The following MPHOSPH8 variants were observed in gnomAD, a reference collection of about 807,000 sequenced individuals.
The protein encoded by MPHOSPH8 is M-phase phosphoprotein, mpp.
A neutral mutation model predicts 87.3 loss-of-function variants in MPHOSPH8; 45 were observed. The ratio of observed to expected loss-of-function variants is 0.52; its 90% CI spans 0.41 to 0.66. The LOEUF (loss-of-function observed/expected upper bound fraction) is 0.66, where lower values mean the gene tolerates loss of function less well. Ranked by LOEUF, MPHOSPH8 falls within the 30% of genes least tolerant of loss-of-function variation. MPHOSPH8 has a pLI of 0.00. For synonymous variants in MPHOSPH8, 366 were observed against 376.9 expected (o/e 0.97, Z 0.33); for missense variants, 883 against 1,020.2 (o/e 0.87, Z 1.83).
chr13:19,652,836 C>T (rs1284110888), intron 5 of MPHOSPH8, among the ~76,000 whole-genome samples: 4 of 152,070 alleles, frequency 2.6e-5, no homozygotes, highest in South Asian at 4.2e-4. Flanking sequence ...CTGGGAGGAG[C>T]GCACCGTAGC....
intron 5 of MPHOSPH8, among the ~76,000 whole-genome samples, chr13:19,650,724 G>A (rs1183127216): frequency 6.6e-6 from 1 of 151,184 alleles, no homozygotes; most frequent in Non-Finnish European, 1.5e-5. Flanking sequence ...GGGAGGAGGA[G>A]TGCTAAAAAG....
At chr13:19,658,627 T>C (rs1593483699) in intron 5 of MPHOSPH8, among the ~76,000 whole-genome samples, 1 of 152,312 alleles carries the variant, frequency 6.6e-6, no homozygotes, top group East Asian at 1.9e-4. Flanking sequence ...TTGGAAGCAG[T>C]GTATGTCCAA....
chr13:19,665,821 A>C (rs759778026), intron 9 of MPHOSPH8, among the ~76,000 whole-genome samples: 25 of 152,234 alleles, frequency 1.6e-4, no homozygotes, highest in African/African-American at 5.5e-4. Context: ...CACGTGGCTA[A>C]TAAGTGACAG....
chr13:19,654,591 A>G (rs1875047481), intron 5 of MPHOSPH8, among the ~76,000 whole-genome samples: 1 of 152,182 alleles, frequency 6.6e-6, no homozygotes, highest in African/African-American at 2.4e-5. Flanking sequence ...TAGACAAAGA[A>G]TGCTAATGCT....
At chr13:19,670,797 TAAATC>T (rs761345300) in intron 12 of MPHOSPH8, 4 of 1,217,226 alleles carry the variant, frequency 3.3e-6, no homozygotes, top group East Asian at 5.8e-5. Flanking sequence ...ATATTTTTAA[TAAATC>T]AAGGGAAAAA....
At chr13:19,661,595 C>A in intron 7 of MPHOSPH8, 103 bp from the exon 8 acceptor site, 1 of 1,216,498 alleles carries the variant, frequency 8.2e-7, no homozygotes, top group Non-Finnish European at 1.1e-6. Context: ...TAAATCAGTG[C>A]CTATTAGTGA....
In MPHOSPH8 at chr13:19,642,276, AT is replaced by A; in HGVS notation, c.369+7del. ...CAGTCAGGAAGGATATTCAGGTACT[AT>A]GTTTTGTCTCATATTTGTTTTTACA... On this transcript the variant is annotated splice_region_variant and intron_variant, in intron 2 of 13. Transcript: ENST00000361479. The A allele has an allele frequency of 6.3e-7, 1 of 1,578,528 alleles. No individual in the cohort carries two copies. The highest frequency in any genetic ancestry group is 8.6e-7 in the Non-Finnish European group (1 of 1,168,486).
At chr13:19,658,661 G>A (rs1593483718) in intron 5 of MPHOSPH8, among the ~76,000 whole-genome samples, 1 of 152,296 alleles carries the variant, frequency 6.6e-6, no homozygotes, top group South Asian at 2.1e-4. Flanking sequence ...AGGGAGAAGA[G>A]TCACATTAGA....
intron 1 of MPHOSPH8, 123 bp downstream of exon 1, chr13:19,634,084 T>C: frequency 1.0e-6 from 1 of 984,704 alleles, no homozygotes; most frequent in Non-Finnish European, 1.6e-6. Flanking sequence ...GAGAGTTCAA[T>C]GCAAGCACGC....
intron 8 of MPHOSPH8, among the ~76,000 whole-genome samples, chr13:19,662,765 T>C (rs1489951496): frequency 6.6e-6 from 1 of 152,264 alleles, no homozygotes; most frequent in Non-Finnish European, 1.5e-5. Flanking sequence ...TTGAAATGTT[T>C]CCATATATTA....
intron 7 of MPHOSPH8, chr13:19,661,068 G>A (rs1160053751): frequency 3.7e-6 from 2 of 542,730 alleles, no homozygotes; most frequent in African/African-American, 2.1e-5. Context: ...GACCAGCCTG[G>A]GCTGACATAG....
intron 7 of MPHOSPH8, chr13:19,661,142 C>T (rs898257797): frequency 1.1e-5 from 2 of 186,326 alleles, no homozygotes; most frequent in Admixed American, 6.5e-5. Flanking sequence ...TTGAAGCATT[C>T]CTTGGAGATA....
At chr13:19,652,042 T>TG (rs1370300077) in intron 5 of MPHOSPH8, among the ~76,000 whole-genome samples, 3 of 152,070 alleles carry the variant, frequency 2.0e-5, no homozygotes, top group Admixed American at 2.0e-4. Context: ...GCAGAGGTTG[T>TG]GGTGAGCCAA....
intron 2 of MPHOSPH8, 64 bp downstream of exon 2, chr13:19,642,334 A>G (rs1473359972): frequency 3.8e-6 from 5 of 1,306,920 alleles, no homozygotes; most frequent in Non-Finnish European, 5.2e-6. Flanking sequence ...TTAACTCTCA[A>G]AGTATGTGTA....
At chr13:19,669,906 A>G (rs1212236488) in intron 11 of MPHOSPH8, among the ~76,000 whole-genome samples, 2 of 152,230 alleles carry the variant, frequency 1.3e-5, no homozygotes, top group African/African-American at 2.4e-5. Context: ...AAAGATGCCC[A>G]CCACAGGAAT....
intron 3 of MPHOSPH8, among the ~76,000 whole-genome samples, chr13:19,648,168 T>TTAA (rs2137513332): frequency 1.3e-5 from 2 of 152,124 alleles, no homozygotes; most frequent in Middle Eastern, 3.4e-3. Flanking sequence ...TTTTTTTTTT[T>TTAA]TAATAATAAA....
chr13:19,649,296 G>T (rs955678695), intron 4 of MPHOSPH8, among the ~76,000 whole-genome samples: 3 of 152,034 alleles, frequency 2.0e-5, no homozygotes, highest in South Asian at 4.2e-4. Flanking sequence ...CTAGTATCTT[G>T]TATGTCAGTT....
chr13:19,646,846 T>C lies in MPHOSPH8; in HGVS notation c.773T>C (p.Val258Ala), dbSNP rs771243212. ...AGAAAAACAAAAAAAGAAAAATTTG[T>C]CGAATCCCAGGTGGAATCTGAATCA... ...ENRKTKKEKF[V>A]ESQVESESSV... Residue 258 changes from valine to alanine, a missense_variant, in exon 3 of 14, where the codon GTC becomes GCC. This residue lies in a region of MPHOSPH8 where 741 missense variants were observed against 841.5 expected (regional missense o/e 0.88). Transcript: ENST00000361479. The C allele has an allele frequency of 1.2e-6, 2 of 1,601,374 alleles. No individual in the cohort carries two copies. Among genetic ancestry groups the C allele is most frequent in the South Asian group, 1.1e-5 (1 of 87,410 alleles).
intron 7 of MPHOSPH8, chr13:19,661,114 C>T: frequency 3.8e-6 from 1 of 259,792 alleles, no homozygotes; most frequent in Non-Finnish European, 6.0e-6. Context: ...GAAAGAAAAA[C>T]AACACCAACA....
Sources: gnomAD v4.1 joint callset for allele counts (sites outside exome capture counted in the v4.1 genomes callset) on GRCh38, gnomAD v4.1.1 for gene constraint, gnomAD v4.1.1 regional missense constraint, MANE v1.5 for transcripts, NCBI Gene and HGNC (gene_info 2026-07-23, HGNC 2026-07-21) for gene names.